PPP1CC: variants seen among roughly 807,000 people sequenced by gnomAD.
PPP1CC encodes serine/threonine-protein phosphatase PP1-gamma catalytic subunit.
In PPP1CC, 16 loss-of-function variants were observed where a neutral mutation model predicts 38.4. The ratio of observed to expected loss-of-function variants is 0.42; its 90% CI spans 0.28 to 0.63. PPP1CC has a LOEUF of 0.63. PPP1CC is among the 30% of genes least tolerant of loss of function. The probability of loss-of-function intolerance (pLI) is 0.25; values close to 1 mark genes in which losing one functional copy is unlikely to be tolerated. For missense variants in PPP1CC, 170 were observed against 391.3 expected (o/e 0.43, Z 4.77); for synonymous variants, 158 against 136.0 (o/e 1.16, Z -1.13).
In PPP1CC at chr12:110,731,713, C is replaced by T; in HGVS notation, c.187+57G>A. ...AGCTAATACAAGGTCATCAACATATCCTTGACTCAGTTAATCAATCATGTA... is the reference window on the plus strand; with the variant it reads ...AGCTAATACAAGGTCATCAACATATTCTTGACTCAGTTAATCAATCATGTA... On this transcript the variant is annotated intron_variant, in intron 2 of 6. Coordinates refer to ENST00000335007, the MANE Select transcript of PPP1CC (RefSeq NM_002710.4). The T allele has an allele frequency of 1.2e-5, 19 of 1,565,508 alleles. No homozygotes were observed. In the South Asian group the frequency reaches 2.0e-4, roughly 16 times the overall value.
chr12:110,720,044 G>A lies in PPP1CC; in HGVS notation c.*1032C>T. The A allele has an allele frequency of 8.7e-7, 1 of 1,149,422 alleles. No homozygotes were observed. Among genetic ancestry groups the A allele is most frequent in the South Asian group, 1.4e-5 (1 of 70,516 alleles). 71.2% of individuals were successfully genotyped at this position (1,149,422 alleles called of 1,614,324 possible). A position where few individuals can be genotyped will look rare whatever the true frequency, so the allele number is the denominator to read the frequency against. On this transcript the variant is annotated 3_prime_UTR_variant, in exon 7 of 7. Transcript: ENST00000335007. ...AGGTACTGTGAGTTCTGTATAAACTGGTGGACAGTAAGTTAGTTCCTTTGT... is the reference window on the plus strand; with the variant it reads ...AGGTACTGTGAGTTCTGTATAAACTAGTGGACAGTAAGTTAGTTCCTTTGT...
intron 6 of PPP1CC, chr12:110,721,410 C>T (rs1195120280): frequency 8.3e-6 from 3 of 361,268 alleles, no homozygotes; most frequent in Non-Finnish European, 5.1e-6. Context: ...TGACAATCTT[C>T]TGAAGTCTAC....
the PPP1CC span, among the ~76,000 whole-genome samples, chr12:110,712,380 A>C: frequency 6.6e-6 from 1 of 151,138 alleles, no homozygotes; most frequent in Non-Finnish European, 1.5e-5. Context: ...TGGTTCATGC[A>C]TGTCATCTCA....
At chr12:110,738,837 C>T (rs2069978322) in intron 1 of PPP1CC, among the ~76,000 whole-genome samples, 1 of 152,202 alleles carries the variant, frequency 6.6e-6, no homozygotes, top group East Asian at 1.9e-4. Context: ...TAAAAAAGGA[C>T]TCCTGCAAGC....
At chr12:110,711,983 C>T in the PPP1CC span, among the ~76,000 whole-genome samples, 7 of 152,238 alleles carry the variant, frequency 4.6e-5, no homozygotes, top group South Asian at 6.2e-4. Flanking sequence ...TGCCACCTAA[C>T]GAGTTTTCAG....
chr12:110,717,691 C>T (rs145124236), downstream of PPP1CC, among the ~76,000 whole-genome samples: 3 of 152,262 alleles, frequency 2.0e-5, no homozygotes, highest in Non-Finnish European at 2.9e-5. Flanking sequence ...CCACCATGCC[C>T]GGCCTCAAAC....
chr12:110,710,497 T>A, the PPP1CC span, among the ~76,000 whole-genome samples: 1 of 151,252 alleles, frequency 6.6e-6, no homozygotes, highest in South Asian at 2.1e-4. Context: ...GGCGGGTGGA[T>A]CACAAGGTCA....
the PPP1CC span, among the ~76,000 whole-genome samples, chr12:110,710,232 T>C: frequency 6.6e-6 from 1 of 151,954 alleles, no homozygotes; most frequent in Non-Finnish European, 1.5e-5. Context: ...AGGGCAAAGA[T>C]AACCTCTAAT....
downstream of PPP1CC, among the ~76,000 whole-genome samples, chr12:110,715,947 GTCGCTTTATTGCT>G (rs1242036555): frequency 1.3e-5 from 2 of 152,154 alleles, no homozygotes; most frequent in East Asian, 3.9e-4. Context: ...AGCACCACCT[GTCGCTTTATTGCT>G]CCTGCGGTAT....
chr12:110,719,079 T>C (rs930301655), downstream of PPP1CC, among the ~76,000 whole-genome samples: 2 of 152,198 alleles, frequency 1.3e-5, no homozygotes, highest in African/African-American at 2.4e-5. Context: ...CTAGTATCAA[T>C]TCATTAACAT....
chr12:110,715,967 G>GT (rs2069683982), downstream of PPP1CC, among the ~76,000 whole-genome samples: 1 of 152,174 alleles, frequency 6.6e-6, no homozygotes, highest in Non-Finnish European at 1.5e-5. Flanking sequence ...TGCTCCTGCG[G>GT]TATCTGCATG....
intron 3 of PPP1CC, among the ~76,000 whole-genome samples, chr12:110,730,037 C>T (rs1160852885): frequency 3.9e-5 from 6 of 152,228 alleles, no homozygotes; most frequent in Admixed American, 3.3e-4. Context: ...TATTTTATTA[C>T]AGCGGCAGTG....
intron 1 of PPP1CC, among the ~76,000 whole-genome samples, chr12:110,740,524 T>C (rs950509149): frequency 6.6e-6 from 1 of 152,162 alleles, no homozygotes; most frequent in Admixed American, 6.5e-5. Context: ...CAATGGATCA[T>C]CTTCAACTGT....
intron 6 of PPP1CC, chr12:110,721,377 A>T: frequency 2.3e-6 from 1 of 439,076 alleles, no homozygotes; most frequent in Non-Finnish European, 4.1e-6. Flanking sequence ...TATCTGGACA[A>T]ATTATTTTGC....
At chr12:110,712,169 T>C in the PPP1CC span, among the ~76,000 whole-genome samples, 1 of 152,080 alleles carries the variant, frequency 6.6e-6, no homozygotes, top group Admixed American at 6.6e-5. Flanking sequence ...CTCTACCGTA[T>C]AGCTTATGTC....
intron 1 of PPP1CC, among the ~76,000 whole-genome samples, chr12:110,740,207 A>T (rs1239277823): frequency 1.3e-5 from 2 of 152,218 alleles, no homozygotes; most frequent in Non-Finnish European, 2.9e-5. Context: ...AAATCTGGCC[A>T]AAGTCACAAG....
chr12:110,735,325 AT>A (rs1359096786), intron 1 of PPP1CC, among the ~76,000 whole-genome samples: 2 of 152,164 alleles, frequency 1.3e-5, no homozygotes, highest in African/African-American at 4.8e-5. Flanking sequence ...TTATATTGCC[AT>A]TCAATCCTGT....
At chr12:110,740,132 TC>T (rs1461864624) in intron 1 of PPP1CC, among the ~76,000 whole-genome samples, 1 of 152,180 alleles carries the variant, frequency 6.6e-6, no homozygotes, top group East Asian at 1.9e-4. Context: ...GTACTATTAC[TC>T]AGCTACTTCT....
the PPP1CC span, among the ~76,000 whole-genome samples, chr12:110,708,533 A>T: frequency 6.6e-6 from 1 of 152,130 alleles, no homozygotes; most frequent in East Asian, 1.9e-4. Flanking sequence ...GCCTAATTTC[A>T]TGAGACTTGT....
Sources: allele counts gnomAD v4.1 joint callset (sites outside exome capture counted in the v4.1 genomes callset), GRCh38; gene constraint gnomAD v4.1.1; transcripts MANE v1.5; gene names NCBI Gene and HGNC (gene_info 2026-07-23, HGNC 2026-07-21).